SPATA9: variants seen among roughly 807,000 people sequenced by gnomAD.
SPATA9 encodes the protein spermatogenesis associated 9, also known as spermatogenesis-associated protein 9.
Under a neutral mutation model 25.5 loss-of-function variants are expected in SPATA9, and 27 were observed. That is an observed-to-expected ratio of 1.06 (90% CI 0.78 to 1.46). The LOEUF is 1.46. SPATA9 is among the 40% of genes most tolerant of loss of function. The pLI is 0.00. For missense variants in SPATA9, 282 were observed against 297.5 expected, an observed-to-expected ratio of 0.95 and a Z score of 0.38; for synonymous variants, 102 against 105.7, an observed-to-expected ratio of 0.97 and a Z score of 0.21.
At chr5:95,661,143 T>G (rs1044807814) in intron 4 of SPATA9, among the ~76,000 whole-genome samples, 5 of 152,122 alleles carry the variant, frequency 3.3e-5, no homozygotes, top group African/African-American at 1.2e-4. Context: ...ACTTGACTTT[T>G]TCTGCTTGTA....
downstream of SPATA9, chr5:95,657,194 G>A (rs551274186): frequency 1.1e-4 from 16 of 152,196 alleles, no homozygotes. Context: ...AAATATTATA[G>A]AGAGGAGATC....
the SPATA9 span, among the ~76,000 whole-genome samples, chr5:95,710,056 G>C: frequency 6.6e-6 from 1 of 152,192 alleles, no homozygotes; most frequent in African/African-American, 2.4e-5. Context: ...CGGAGAGCCT[G>C]AGTGAGGGCC....
the SPATA9 span, among the ~76,000 whole-genome samples, chr5:95,721,572 T>C: frequency 1.3e-5 from 2 of 151,964 alleles, no homozygotes; most frequent in African/African-American, 4.8e-5. Flanking sequence ...CAAATGCATA[T>C]GTTTTAATTT....
chr5:95,675,673 G>A lies in SPATA9; in HGVS notation c.151-34C>T, dbSNP rs113481873. The A allele has an allele frequency of 4.3e-5, 67 of 1,566,668 alleles. 2 individuals are homozygous for A. In the African/African-American group the frequency reaches 5.5e-4, roughly 13 times the overall value. Reference sequence around the variant, plus strand: ...TAGGCCTTTGAAAAGTAACTGATGTGTAATCTCCAGTGCATTATTAAAACT... The same window carrying A: ...TAGGCCTTTGAAAAGTAACTGATGTATAATCTCCAGTGCATTATTAAAACT... On this transcript the variant is annotated intron_variant, in intron 2 of 4. Transcript: ENST00000274432.
At chr5:95,709,850 C>T in the SPATA9 span, among the ~76,000 whole-genome samples, 2 of 152,084 alleles carry the variant, frequency 1.3e-5, no homozygotes, top group Non-Finnish European at 2.9e-5. Flanking sequence ...TTGGCATTTA[C>T]CTGGGCGCAG....
chr5:95,660,460 A>G (rs935104054), intron 4 of SPATA9, among the ~76,000 whole-genome samples: 7 of 152,210 alleles, frequency 4.6e-5, no homozygotes, highest in Admixed American at 1.3e-4. Context: ...CCTAACTCCC[A>G]ACTTATAATT....
exon 9 of SPATA9, chr5:95,653,134 C>G (rs1032159235): frequency 1.9e-6 from 3 of 1,551,694 alleles, no homozygotes; most frequent in Non-Finnish European, 2.6e-6. Flanking sequence ...TTCTCTTCCC[C>G]AAGCTGTTGG....
At chr5:95,682,001 C>T (rs1170302447) in intron 2 of SPATA9, among the ~76,000 whole-genome samples, 1 of 152,120 alleles carries the variant, frequency 6.6e-6, no homozygotes, top group Non-Finnish European at 1.5e-5. Flanking sequence ...TATGTCTCTT[C>T]AAAATATATA....
chr5:95,709,602 T>C, the SPATA9 span, among the ~76,000 whole-genome samples: 1 of 152,188 alleles, frequency 6.6e-6, no homozygotes, highest in African/African-American at 2.4e-5. Flanking sequence ...TATCAGACCC[T>C]ATGGCAGCAG....
At chr5:95,656,106 A>G (rs768021844), downstream of SPATA9, 2 of 1,613,754 alleles carry the variant, frequency 1.2e-6, no homozygotes, top group South Asian at 1.1e-5. Flanking sequence ...TACTTTGGCA[A>G]CAGGAGAAGG....
At chr5:95,658,994 C>G in intron 4 of SPATA9, 81 bp from the exon 5 acceptor site, 1 of 1,489,382 alleles carries the variant, frequency 6.7e-7, no homozygotes, top group Middle Eastern at 1.8e-4. Flanking sequence ...ATATAGTGTT[C>G]CACATAAAGT....
chr5:95,653,236 A>C (rs949009078), intron 8 of SPATA9: 2 of 1,551,422 alleles, frequency 1.3e-6, no homozygotes, highest in East Asian at 4.9e-5. Context: ...AAAGGTTTTC[A>C]TTCATACCCA....
At chr5:95,708,475 G>A in the SPATA9 span, among the ~76,000 whole-genome samples, 25 of 152,200 alleles carry the variant, frequency 1.6e-4, no homozygotes, top group African/African-American at 5.5e-4. Flanking sequence ...CAAGGAGCAC[G>A]AGTTATAGAA....
upstream of SPATA9, chr5:95,684,629 A>T (rs1232268228): frequency 3.9e-5 from 6 of 152,240 alleles, no homozygotes; most frequent in Admixed American, 1.3e-4. Context: ...GTGAAAAATG[A>T]CAGACGGTGA....
chr5:95,710,602 ACTC>A, the SPATA9 span, among the ~76,000 whole-genome samples: 3 of 151,968 alleles, frequency 2.0e-5, no homozygotes, highest in African/African-American at 7.3e-5. Flanking sequence ...CCCTTTAGCA[ACTC>A]CCTGGCTTTC....
the SPATA9 span, chr5:95,731,525 C>G: frequency 2.5e-5 from 32 of 1,301,534 alleles, no homozygotes; most frequent in Non-Finnish European, 3.0e-5. Context: ...GGCGCGGCCC[C>G]GGCCCCGCTC....
At chr5:95,727,558 TGG>T in the SPATA9 span, among the ~76,000 whole-genome samples, 1 of 152,194 alleles carries the variant, frequency 6.6e-6, no homozygotes, top group Non-Finnish European at 1.5e-5. Context: ...AAATATTGTT[TGG>T]GTTGGAAGCC....
At chr5:95,710,325 C>T in the SPATA9 span, among the ~76,000 whole-genome samples, 1 of 152,186 alleles carries the variant, frequency 6.6e-6, no homozygotes, top group Non-Finnish European at 1.5e-5. Flanking sequence ...GAAAGTCAAA[C>T]GAGGCTGATC....
intron 1 of SPATA9, among the ~76,000 whole-genome samples, chr5:95,693,136 T>C (rs999302478): frequency 1.3e-5 from 2 of 152,224 alleles, no homozygotes; most frequent in African/African-American, 4.8e-5. Context: ...GCTCACGCAC[T>C]GATAGCGAGA....
Sources: gnomAD v4.1 joint callset for allele counts (sites outside exome capture counted in the v4.1 genomes callset) on GRCh38, gnomAD v4.1.1 for gene constraint, MANE v1.5 for transcripts, NCBI Gene and HGNC (gene_info 2026-07-23, HGNC 2026-07-21) for gene names.